Variants in GCNT1 observed in about 807,000 individuals in gnomAD.
GCNT1 encodes the protein glucosaminyl (N-acetyl) transferase 1.
Under a neutral mutation model 26.2 loss-of-function variants are expected in GCNT1, and 16 were observed. The ratio of observed to expected loss-of-function variants is 0.61; its 90% CI spans 0.41 to 0.93. The LOEUF (loss-of-function observed/expected upper bound fraction) is 0.93. Ranked by LOEUF, GCNT1 falls within the 40% of genes least tolerant of loss-of-function variation. GCNT1 has a pLI of 0.00. For synonymous variants in GCNT1, 183 were observed against 190.8 expected, an observed-to-expected ratio of 0.96 and a Z score of 0.34; for missense variants, 477 against 526.7, an observed-to-expected ratio of 0.91 and a Z score of 0.92.
chr9:76,444,767 C>T (rs967774233), intron 1 of GCNT1, among the ~76,000 whole-genome samples: 1 of 152,186 alleles, frequency 6.6e-6, no homozygotes, highest in African/African-American at 2.4e-5. Flanking sequence ...CTCTTGGGCC[C>T]TCTGTGTTGT....
upstream of GCNT1, among the ~76,000 whole-genome samples, chr9:76,458,168 G>C (rs13288863): frequency 2.5e-3 from 362 of 142,152 alleles, 1 homozygote; most frequent in Non-Finnish European, 4.3e-3. Flanking sequence ...AATGGCCTCT[G>C]AGTTGGATTT....
At position 76,502,852 on chromosome 9, in the gene GCNT1, A is replaced by G. The variant is rs774224861; in HGVS notation, c.471A>G (p.Lys157=). 3.1e-6 allele frequency: 5 copies of G among 1,614,022 alleles called. No homozygotes were observed. Among genetic ancestry groups the G allele is most frequent in the South Asian group, 1.1e-5 (1 of 91,086 alleles). ...TCTATTGCATTCATGTGGACACAAA[A>G]TCCGAGGATTCCTATTTAGCTGCAG... The part of the protein sequence containing the change: ...QNFYCIHVDT[K]SEDSYLAAVM... Residue 157 remains lysine (K), a synonymous_variant, in exon 4 of 4, where the codon AAA becomes AAG. Transcript: ENST00000376730.
chr9:76,445,866 G>T (rs1823568818), intron 1 of GCNT1, among the ~76,000 whole-genome samples: 1 of 145,828 alleles, frequency 6.9e-6, no homozygotes, highest in African/African-American at 2.5e-5. Context: ...GCCTGTTCCA[G>T]CTACTCAAGA....
At chr9:76,395,131 A>G in the GCNT1 span, among the ~76,000 whole-genome samples, 45 of 152,300 alleles carry the variant, frequency 3.0e-4, no homozygotes, top group African/African-American at 1.0e-3. Flanking sequence ...CTCTACTGCA[A>G]TGCAGATAGA....
chr9:76,492,724 T>G (rs1252911997), intron 2 of GCNT1, among the ~76,000 whole-genome samples: 1 of 151,698 alleles, frequency 6.6e-6, no homozygotes, highest in Non-Finnish European at 1.5e-5. Flanking sequence ...TTTAAAGTAT[T>G]TCTGCAAACC....
chr9:76,394,238 G>A, the GCNT1 span: 7 of 1,498,296 alleles, frequency 4.7e-6, no homozygotes, highest in East Asian at 1.8e-4. Flanking sequence ...CCGTCGACGC[G>A]GCGCCCAGAC....
intron 1 of GCNT1, among the ~76,000 whole-genome samples, chr9:76,451,086 G>T (rs1823657924): frequency 6.6e-6 from 1 of 152,124 alleles, no homozygotes. Context: ...ATTTATGATT[G>T]AATTTGCTTT....
rs187560761 is a variant in GCNT1 at position 76,424,861 on chromosome 9, T to C, written n.38+4974T>C. Among the ~76,000 whole-genome samples, 402 of 152,192 alleles carry C rather than the reference T, an allele frequency of 2.6e-3. 1 individual carries two copies. The highest frequency in any genetic ancestry group is 9.3e-3 in the African/African-American group (388 of 41,540). On this transcript the variant is annotated intron_variant and non_coding_transcript_variant, in intron 1 of 3. Transcript: ENST00000488136. ...TTTCAATAAAAAAGGACATCGAGGC[T>C]GGGAGTGGTGGCTCACGCCTGTAAT...
chr9:76,491,734 G>T (rs1824742815), intron 2 of GCNT1, among the ~76,000 whole-genome samples: 1 of 152,206 alleles, frequency 6.6e-6, no homozygotes, highest in Non-Finnish European at 1.5e-5. Flanking sequence ...GGCAGCATAA[G>T]TCTGGACAAT....
chr9:76,465,016 C>T (rs529842115), intron 2 of GCNT1, among the ~76,000 whole-genome samples: 5 of 152,122 alleles, frequency 3.3e-5, no homozygotes, highest in East Asian at 3.9e-4. Context: ...CTATGTTGCT[C>T]GGGCTGGAGT....
At chr9:76,452,761 A>G (rs1823692232) in intron 1 of GCNT1, among the ~76,000 whole-genome samples, 2 of 152,118 alleles carry the variant, frequency 1.3e-5, no homozygotes, top group Non-Finnish European at 2.9e-5. Flanking sequence ...GGGGACTACA[A>G]TTCGATATGA....
rs1205072662 is a variant in GCNT1 at position 76,503,656 on chromosome 9, ATTAAAACAC to A, written c.1277_1285del (p.Leu426_His428del). 1.2e-6 allele frequency: 2 copies of A among 1,612,256 alleles called. No homozygotes were observed. ...ATTTGAGACACAAAGCTTTGGAGACATTAAAACACTGACCATTACGGGCAATTTTATGAA... is the reference window on the plus strand; with the variant it reads ...ATTTGAGACACAAAGCTTTGGAGACATGACCATTACGGGCAATTTTATGAA... On this transcript the variant is annotated inframe_deletion, in exon 4 of 4. Coordinates refer to ENST00000376730, the MANE Select transcript of GCNT1 (RefSeq NM_001490.5).
chr9:76,448,238 G>A (rs1371032474), intron 1 of GCNT1, among the ~76,000 whole-genome samples: 1 of 152,190 alleles, frequency 6.6e-6, no homozygotes, highest in African/African-American at 2.4e-5. Context: ...GATTACTTAA[G>A]CCCAGGAGTT....
chr9:76,403,407 G>A, the GCNT1 span, among the ~76,000 whole-genome samples: 160 of 152,302 alleles, frequency 1.1e-3, no homozygotes, highest in Middle Eastern at 3.4e-3. Context: ...CTATGCAAAT[G>A]CAATGTTAAA....
chr9:76,397,964 T>G, the GCNT1 span, among the ~76,000 whole-genome samples: 49,416 of 152,176 alleles, frequency 0.32, 8,526 homozygotes, highest in Non-Finnish European at 0.38. Flanking sequence ...CTACCTAGCA[T>G]TCTCAGTAAA....
the GCNT1 span, among the ~76,000 whole-genome samples, chr9:76,397,294 A>G: frequency 5.2e-3 from 765 of 147,158 alleles, 7 homozygotes; most frequent in African/African-American, 0.018. Flanking sequence ...TAAATAATAC[A>G]TAAATAAATA....
chr9:76,482,596 C>A (rs1824451964), intron 2 of GCNT1, among the ~76,000 whole-genome samples: 1 of 151,894 alleles, frequency 6.6e-6, no homozygotes, highest in African/African-American at 2.4e-5. Flanking sequence ...TGCACTTCAG[C>A]CTGGGCAACA....
intron 1 of GCNT1, among the ~76,000 whole-genome samples, chr9:76,448,140 A>C (rs922521530): frequency 6.6e-6 from 1 of 152,186 alleles, no homozygotes; most frequent in African/African-American, 2.4e-5. Context: ...AGTCTTTACT[A>C]ACAGACACTT....
intron 2 of GCNT1, among the ~76,000 whole-genome samples, chr9:76,470,270 C>T (rs1199134201): frequency 6.6e-6 from 1 of 152,096 alleles, no homozygotes; most frequent in East Asian, 1.9e-4. Flanking sequence ...TATACCCCTC[C>T]AGTTTATCCA....
Sources: gnomAD v4.1 joint callset for allele counts (sites outside exome capture counted in the v4.1 genomes callset) on GRCh38, gnomAD v4.1.1 for gene constraint, MANE v1.5 for transcripts, NCBI Gene and HGNC (gene_info 2026-07-23, HGNC 2026-07-21) for gene names.